The following TNKS variants were observed in gnomAD, a reference collection of about 807,000 sequenced individuals.
TNKS encodes poly [ADP-ribose] polymerase tankyrase-1.
In TNKS, 72 loss-of-function variants were observed where a neutral mutation model predicts 135.8. The ratio of observed to expected loss-of-function variants is 0.53; its 90% CI spans 0.44 to 0.64. TNKS has a LOEUF of 0.64. Ranked by LOEUF, TNKS falls within the 30% of genes least tolerant of loss-of-function variation. The pLI is 0.00. For missense variants in TNKS, 1,769 were observed against 1,674.0 expected (o/e 1.06, Z -0.99); for synonymous variants, 849 against 649.3 (o/e 1.31, Z -4.68).
At chr8:9,600,443 A>T (rs1178729471) in intron 2 of TNKS, among the ~76,000 whole-genome samples, 1 of 152,030 alleles carries the variant, frequency 6.6e-6, no homozygotes, top group African/African-American at 2.4e-5. Context: ...CTTCCCAAGT[A>T]GCTGGGAGTA....
At position 9,709,885 on chromosome 8, in the gene TNKS, C is replaced by G; in HGVS notation, c.1579-70C>G. ...CAATGTTTTAAATGGTCAGCAGATA[C>G]TGTTCAATTCCAAGAGCTACTGTAC... On this transcript the variant is annotated intron_variant, in intron 9 of 26. Coordinates refer to ENST00000310430, the MANE Select transcript of TNKS (RefSeq NM_003747.3). 4.3e-6 allele frequency: 5 copies of G among 1,158,120 alleles called. No homozygotes were observed. In the South Asian group the frequency reaches 6.4e-5, roughly 15 times the overall value. 71.7% of individuals were successfully genotyped at this position (1,158,120 alleles called of 1,614,324 possible). A position where few individuals can be genotyped will look rare whatever the true frequency, so the allele number is the denominator to read the frequency against.
At chr8:9,655,068 G>A (rs1383227543) in intron 3 of TNKS, among the ~76,000 whole-genome samples, 8 of 152,166 alleles carry the variant, frequency 5.3e-5, no homozygotes, top group Non-Finnish European at 7.4e-5. Context: ...CTTTTCCAAC[G>A]GGCTTAATGG....
intron 1 of TNKS, among the ~76,000 whole-genome samples, chr8:9,578,622 A>G (rs1170547433): frequency 1.3e-5 from 2 of 152,356 alleles, no homozygotes; most frequent in East Asian, 1.9e-4. Context: ...CATGGAAGAC[A>G]TATCTTGAGA....
intron 11 of TNKS, among the ~76,000 whole-genome samples, chr8:9,719,004 A>C (rs1804738951): frequency 6.6e-6 from 1 of 152,234 alleles, no homozygotes; most frequent in African/African-American, 2.4e-5. Flanking sequence ...TCACAATTTT[A>C]GATTTTTCTT....
At chr8:9,574,911 C>A (rs557684845) in intron 1 of TNKS, 12 of 418,928 alleles carry the variant, frequency 2.9e-5, no homozygotes, top group African/African-American at 1.9e-4. Context: ...TGTCTGAGAA[C>A]CTAGATATGA....
At chr8:9,579,500 G>A (rs1326460177) in intron 1 of TNKS, among the ~76,000 whole-genome samples, 5 of 151,906 alleles carry the variant, frequency 3.3e-5, no homozygotes, top group South Asian at 2.1e-4. Flanking sequence ...GAGGAGTCTC[G>A]CACTATTGCC....
At chr8:9,733,585 C>A in intron 15 of TNKS, 141 bp downstream of exon 15, 1 of 689,022 alleles carries the variant, frequency 1.5e-6, no homozygotes, top group Non-Finnish European at 2.4e-6. Flanking sequence ...CCCAGAAGAC[C>A]GTTTATGTGA....
intron 12 of TNKS, among the ~76,000 whole-genome samples, chr8:9,722,881 T>C (rs932484798): frequency 2.0e-5 from 3 of 152,120 alleles, no homozygotes; most frequent in African/African-American, 7.2e-5. Context: ...GCATATCAGA[T>C]CCATATAATA....
At chr8:9,723,625 A>T in intron 12 of TNKS, among the ~76,000 whole-genome samples, 1 of 152,232 alleles carries the variant, frequency 6.6e-6, no homozygotes, top group East Asian at 1.9e-4. Flanking sequence ...CTTTCTCTAG[A>T]CTTGCTCTTT....
At position 9,759,231 on chromosome 8, in the gene TNKS, C is replaced by G. The variant is rs1358100013; in HGVS notation, c.3154-2285C>G. ...GAATCATTGAGTCTGTCTGCCATAGCGTGGCAGCCAGTTCTTCTAGGGTGA... is the reference window on the plus strand; with the variant it reads ...GAATCATTGAGTCTGTCTGCCATAGGGTGGCAGCCAGTTCTTCTAGGGTGA... On this transcript the variant is annotated intron_variant, in intron 20 of 26. Coordinates refer to ENST00000310430, the MANE Select transcript of TNKS (RefSeq NM_003747.3). Among the ~76,000 whole-genome samples the G allele has an allele frequency of 1.3e-5, 2 of 152,202 alleles. 1 individual carries two copies. Among genetic ancestry groups the G allele is most frequent in the Admixed American group, 1.3e-4 (2 of 15,282 alleles).
At chr8:9,567,458 C>A (rs1797586650) in intron 1 of TNKS, among the ~76,000 whole-genome samples, 1 of 152,204 alleles carries the variant, frequency 6.6e-6, no homozygotes, top group Admixed American at 6.5e-5. Flanking sequence ...CTCTGTCGCC[C>A]AGGCTGGAGC....
intron 12 of TNKS, among the ~76,000 whole-genome samples, chr8:9,722,070 GA>G (rs1563191185): frequency 6.3e-5 from 1 of 15,896 alleles, no homozygotes; most frequent in African/African-American, 1.4e-4. Context: ...AAAAAAAAAA[GA>G]AAAGAAAAGA....
chr8:9,610,951 C>T (rs1233513245), intron 2 of TNKS, among the ~76,000 whole-genome samples: 1 of 152,142 alleles, frequency 6.6e-6, no homozygotes, highest in Non-Finnish European at 1.5e-5. Flanking sequence ...AAATGCTTAA[C>T]TTGAATAGTT....
chr8:9,649,540 G>A (rs1001893620), intron 3 of TNKS, among the ~76,000 whole-genome samples: 2 of 152,044 alleles, frequency 1.3e-5, no homozygotes, highest in Non-Finnish European at 2.9e-5. Context: ...AAGTTCTTTA[G>A]TGGTAATTTC....
chr8:9,571,518 T>C (rs184341442), intron 1 of TNKS, among the ~76,000 whole-genome samples: 2,189 of 152,188 alleles, frequency 0.014, 166 homozygotes, highest in Admixed American at 0.12. Flanking sequence ...AGTGCAGTGG[T>C]GCAATCTTGG....
At chr8:9,572,138 A>G (rs1585181408) in intron 1 of TNKS, among the ~76,000 whole-genome samples, 1 of 152,186 alleles carries the variant, frequency 6.6e-6, no homozygotes, top group African/African-American at 2.4e-5. Context: ...ATTTTTTGTC[A>G]TGAGTGTTTT....
chr8:9,752,668 C>T (rs772376909), intron 20 of TNKS, 42 bp downstream of exon 20: 9 of 1,359,884 alleles, frequency 6.6e-6, no homozygotes, highest in Non-Finnish European at 8.3e-6. Flanking sequence ...AAATTAAATA[C>T]TAAGATTAGG....
intron 5 of TNKS, among the ~76,000 whole-genome samples, chr8:9,687,162 C>G (rs905743508): frequency 6.6e-6 from 1 of 152,098 alleles, no homozygotes; most frequent in Non-Finnish European, 1.5e-5. Context: ...ACCCTCCATT[C>G]TTGCCAAATC....
intron 3 of TNKS, among the ~76,000 whole-genome samples, chr8:9,661,745 A>T (rs1276085837): frequency 6.6e-6 from 1 of 152,250 alleles, no homozygotes; most frequent in Non-Finnish European, 1.5e-5. Context: ...GGATCTAATT[A>T]AACTCAAGAG....
Sources: allele counts gnomAD v4.1 joint callset (sites outside exome capture counted in the v4.1 genomes callset), GRCh38; gene constraint gnomAD v4.1.1; transcripts MANE v1.5; gene names NCBI Gene and HGNC (gene_info 2026-07-23, HGNC 2026-07-21).